The following ZNF345 variants were observed in gnomAD, a reference collection of about 807,000 sequenced individuals.
ZNF345 encodes the protein zinc finger protein 345.
For missense variants in ZNF345, 527 were observed against 589.9 expected (o/e 0.89, Z 1.10); for synonymous variants, 166 against 187.9 (o/e 0.88, Z 0.95).
Position 36,876,917 on chromosome 19 carries a change from A to G in ZNF345, c.87A>G (p.Gly29=), listed in dbSNP as rs1293439532. ...AAAACCAGTTTGAGAGAAAACAGGG[A>G]TCTCAGGAAGGACATTTCAGTGAAA... ...ECKNQFERKQ[G]SQEGHFSEMI... is the part of the protein sequence containing the mutation. Residue 29 remains glycine (G), a synonymous_variant, in exon 3 of 3, where the codon GGA becomes GGG. Transcript: ENST00000420450. 1 of 1,614,152 alleles carries G rather than the reference A, an allele frequency of 6.2e-7. No homozygotes were observed. Among genetic ancestry groups the G allele is most frequent in the Admixed American group, 1.7e-5 (1 of 60,022 alleles).
intron 3 of ZNF345, among the ~76,000 whole-genome samples, chr19:36,885,574 C>CAT (rs1028934738): frequency 2.0e-5 from 3 of 151,112 alleles, no homozygotes; most frequent in African/African-American, 7.3e-5. Flanking sequence ...TGTTTGTGTG[C>CAT]GTGTGTGTGT....
intron 2 of ZNF345, among the ~76,000 whole-genome samples, chr19:36,868,341 G>T (rs751997026): frequency 6.6e-6 from 1 of 152,028 alleles, no homozygotes; most frequent in Non-Finnish European, 1.5e-5. Flanking sequence ...TTATCCAGTT[G>T]TCTCAATACC....
intron 2 of ZNF345, among the ~76,000 whole-genome samples, chr19:36,856,552 CA>C (rs1398604935): frequency 6.6e-6 from 1 of 151,992 alleles, no homozygotes; most frequent in Non-Finnish European, 1.5e-5. Context: ...TCAGATGTGT[CA>C]CTTCTTAAGA....
At chr19:36,887,097 T>C (rs2073005354) in intron 3 of ZNF345, among the ~76,000 whole-genome samples, 1 of 151,574 alleles carries the variant, frequency 6.6e-6, no homozygotes, top group South Asian at 2.1e-4. Flanking sequence ...CGGGATTCAC[T>C]GCAGAGATTG....
At chr19:36,892,456 C>A in intron 3 of ZNF345, 1 of 1,585,690 alleles carries the variant, frequency 6.3e-7, no homozygotes, top group South Asian at 1.1e-5. Flanking sequence ...TTTGGTCTCA[C>A]ACATTGATTC....
At chr19:36,871,652 A>G (rs1446561344) in intron 2 of ZNF345, among the ~76,000 whole-genome samples, 2 of 151,958 alleles carry the variant, frequency 1.3e-5, no homozygotes, top group East Asian at 3.8e-4. Flanking sequence ...TTACTTGGGT[A>G]TGTGTTTGCC....
chr19:36,858,871 G>A (rs983830571), intron 2 of ZNF345, among the ~76,000 whole-genome samples: 15 of 152,208 alleles, frequency 9.9e-5, no homozygotes, highest in African/African-American at 3.4e-4. Flanking sequence ...GTTTTATGGA[G>A]CTGAGCACAG....
intron 2 of ZNF345, among the ~76,000 whole-genome samples, chr19:36,853,407 C>T (rs960516107): frequency 3.5e-4 from 53 of 152,160 alleles, no homozygotes; most frequent in Non-Finnish European, 7.1e-4. Context: ...CACCACCATA[C>T]CTGGCTAATT....
downstream of ZNF345, among the ~76,000 whole-genome samples, chr19:36,882,290 A>G (rs1044532216): frequency 2.6e-5 from 4 of 151,790 alleles, no homozygotes; most frequent in Non-Finnish European, 5.9e-5. Context: ...TCTTCTTGAG[A>G]TGGAGTCTCG....
intron 2 of ZNF345, among the ~76,000 whole-genome samples, chr19:36,856,411 C>T (rs1231870442): frequency 6.6e-6 from 1 of 152,076 alleles, no homozygotes; most frequent in Admixed American, 6.5e-5. Flanking sequence ...TTACTTTGTA[C>T]TGCCTACTTG....
intron 3 of ZNF345, among the ~76,000 whole-genome samples, chr19:36,886,246 C>T (rs1008828281): frequency 3.3e-5 from 5 of 152,108 alleles, no homozygotes; most frequent in Non-Finnish European, 5.9e-5. Context: ...AGCATAACCC[C>T]GCTCCTTAAG....
intron 2 of ZNF345, among the ~76,000 whole-genome samples, chr19:36,858,624 G>A (rs2072476408): frequency 6.6e-6 from 1 of 152,044 alleles, no homozygotes; most frequent in Non-Finnish European, 1.5e-5. Flanking sequence ...AAAATTAGCT[G>A]GGTGTGGTGG....
At chr19:36,861,928 C>T (rs2072556944) in intron 2 of ZNF345, among the ~76,000 whole-genome samples, 1 of 150,586 alleles carries the variant, frequency 6.6e-6, no homozygotes, top group Non-Finnish European at 1.5e-5. Flanking sequence ...GTGGCATGAC[C>T]TCGGCTCACT....
downstream of ZNF345, among the ~76,000 whole-genome samples, chr19:36,880,124 A>G (rs541621284): frequency 2.6e-5 from 4 of 152,226 alleles, no homozygotes; most frequent in South Asian, 8.3e-4. Context: ...TGAGGCCAGG[A>G]GCCTAGCCAA....
intron 2 of ZNF345, among the ~76,000 whole-genome samples, chr19:36,857,431 C>T (rs1362297136): frequency 1.3e-5 from 2 of 151,966 alleles, no homozygotes; most frequent in Admixed American, 6.6e-5. Flanking sequence ...CTCAGCCTCC[C>T]GAGTAGCTGG....
downstream of ZNF345, among the ~76,000 whole-genome samples, chr19:36,882,834 C>G (rs1424557806): frequency 6.6e-6 from 1 of 151,680 alleles, no homozygotes; most frequent in Non-Finnish European, 1.5e-5. Context: ...AATATATATT[C>G]TCTATAAAAC....
chr19:36,868,738 G>A (rs2072715109), intron 2 of ZNF345, among the ~76,000 whole-genome samples: 1 of 150,318 alleles, frequency 6.7e-6, no homozygotes, highest in South Asian at 2.1e-4. Flanking sequence ...CAATTCTCCT[G>A]CCTCAGGCTC....
At chr19:36,862,772 T>C (rs1047129448) in intron 2 of ZNF345, 2 of 151,928 alleles carry the variant, frequency 1.3e-5, no homozygotes, top group Non-Finnish European at 2.9e-5. Flanking sequence ...ATGGGCTCAA[T>C]TGTGTCCCTT....
intron 2 of ZNF345, among the ~76,000 whole-genome samples, chr19:36,854,859 C>CTT (rs34921305): frequency 6.5e-5 from 9 of 138,506 alleles, no homozygotes; most frequent in Admixed American, 3.6e-4. Context: ...CTTTTCTTTT[C>CTT]TTTTTTTTTT....
Sources: allele counts gnomAD v4.1 joint callset (sites outside exome capture counted in the v4.1 genomes callset), GRCh38; gene constraint gnomAD v4.1.1; transcripts MANE v1.5; gene names NCBI Gene and HGNC (gene_info 2026-07-23, HGNC 2026-07-21).